ERBB4: variants seen among roughly 807,000 people sequenced by gnomAD.
ERBB4 encodes receptor tyrosine-protein kinase erbB-4.
A neutral mutation model predicts 158.0 loss-of-function variants in ERBB4; 42 were observed. The observed-to-expected ratio is 0.27, with a 90% CI of 0.21 to 0.34. The LOEUF (loss-of-function observed/expected upper bound fraction) is 0.34. ERBB4 is among the 10% of genes least tolerant of loss of function. The pLI is 1.00. For synonymous variants in ERBB4, 583 were observed against 558.7 expected (o/e 1.04, Z -0.61); for missense variants, 1,333 against 1,624.1 (o/e 0.82, Z 3.08).
intron 1 of ERBB4, among the ~76,000 whole-genome samples, chr2:212,458,542 T>C (rs1403726680): frequency 6.6e-6 from 1 of 152,046 alleles, no homozygotes; most frequent in Non-Finnish European, 1.5e-5. Flanking sequence ...GTGAAAGACC[T>C]GTAGGTTGTG....
At chr2:211,682,659 T>C (rs553382774) in intron 12 of ERBB4, among the ~76,000 whole-genome samples, 3 of 152,336 alleles carry the variant, frequency 2.0e-5, no homozygotes, top group African/African-American at 7.2e-5. Context: ...TGCATATTTA[T>C]AAGAAATAAG....
intron 2 of ERBB4, among the ~76,000 whole-genome samples, chr2:211,951,672 C>T (rs1430119441): frequency 6.6e-6 from 1 of 152,066 alleles, no homozygotes; most frequent in Non-Finnish European, 1.5e-5. Flanking sequence ...AATAGCTACT[C>T]CCTTGTAAAG....
At chr2:211,463,411 G>A (rs1281500413) in intron 20 of ERBB4, among the ~76,000 whole-genome samples, 1 of 152,160 alleles carries the variant, frequency 6.6e-6, no homozygotes, top group Non-Finnish European at 1.5e-5. Flanking sequence ...GTTCCTATGG[G>A]GAATTTTGAA....
intron 2 of ERBB4, among the ~76,000 whole-genome samples, chr2:211,957,909 GA>G: frequency 6.6e-6 from 1 of 152,144 alleles, no homozygotes; most frequent in Middle Eastern, 3.4e-3. Flanking sequence ...AAAATTTAAC[GA>G]AAGAAAATGG....
intron 1 of ERBB4, among the ~76,000 whole-genome samples, chr2:212,241,881 T>A (rs889838810): frequency 1.3e-5 from 2 of 152,064 alleles, no homozygotes; most frequent in East Asian, 3.8e-4. Context: ...AACATATTAA[T>A]AACAAGATGA....
At chr2:211,859,886 C>G (rs1342807914) in intron 3 of ERBB4, among the ~76,000 whole-genome samples, 3 of 152,128 alleles carry the variant, frequency 2.0e-5, no homozygotes, top group African/African-American at 7.2e-5. Context: ...AAATGTTTTC[C>G]ATTAACTTCT....
At chr2:212,132,204 G>A (rs1384687882) in intron 1 of ERBB4, among the ~76,000 whole-genome samples, 2 of 152,054 alleles carry the variant, frequency 1.3e-5, no homozygotes, top group African/African-American at 4.8e-5. Context: ...TTGGTTATAG[G>A]CATAATAGTT....
rs1553622916 is a variant in ERBB4 at position 212,349,319 on chromosome 2, A to ACACC, written c.82+189126_82+189129dup. On this transcript the variant is annotated intron_variant, in intron 1 of 27. Coordinates refer to ENST00000342788, the MANE Select transcript of ERBB4 (RefSeq NM_005235.3). Reference sequence around the variant, plus strand: ...CACACACACACACACACACACACACACACCCTTCAAGTGTTTGACAGCCCT... The same window carrying ACACC: ...CACACACACACACACACACACACACACACCCACCCTTCAAGTGTTTGACAGCCCT... Among the ~76,000 whole-genome samples the ACACC allele has an allele frequency of 2.5e-3, 379 of 151,078 alleles. 2 individuals are homozygous for ACACC. Among genetic ancestry groups the ACACC allele is most frequent in the African/African-American group, 8.6e-3 (351 of 40,890 alleles).
intron 1 of ERBB4, among the ~76,000 whole-genome samples, chr2:212,254,467 G>A (rs896077691): frequency 1.3e-5 from 2 of 152,132 alleles, no homozygotes; most frequent in Non-Finnish European, 2.9e-5. Context: ...ATGCTGTGCT[G>A]TTTTCCCCAC....
At chr2:212,511,022 G>A (rs1691488773) in intron 1 of ERBB4, among the ~76,000 whole-genome samples, 2 of 151,988 alleles carry the variant, frequency 1.3e-5, no homozygotes, top group Non-Finnish European at 1.5e-5. Context: ...ATATGTAAAT[G>A]ACTAGGCCAA....
In ERBB4 at chr2:212,294,290, T is replaced by C. The variant is rs2086328471; in HGVS notation, c.83-169387A>G. On this transcript the variant is annotated intron_variant, in intron 1 of 27. Transcript: ENST00000342788. ...GATTGCCTATTTATTTTATTTGAAATAGTAAATATTAGAGATAAAACAAAA... is the reference window on the plus strand; with the variant it reads ...GATTGCCTATTTATTTTATTTGAAACAGTAAATATTAGAGATAAAACAAAA... Among the ~76,000 whole-genome samples, 3 of 152,036 alleles carry C rather than the reference T, an allele frequency of 2.0e-5. No homozygotes were observed. The South Asian group carries it at 6.2e-4, about 31-fold the overall frequency.
intron 2 of ERBB4, among the ~76,000 whole-genome samples, chr2:212,000,506 C>G (rs2076078849): frequency 6.6e-6 from 1 of 151,764 alleles, no homozygotes; most frequent in Non-Finnish European, 1.5e-5. Flanking sequence ...GTTCTATATC[C>G]CCTCATTTAG....
chr2:212,395,531 C>T lies in ERBB4; in HGVS notation c.82+142918G>A, dbSNP rs932511584. 5.0e-4 allele frequency among the ~76,000 whole-genome samples: 75 copies of T among 151,066 alleles called. 1 individual carries two copies. The highest frequency in any genetic ancestry group is 2.9e-5 in the Non-Finnish European group (2 of 67,930). ...AATTAAGCCTATGCTAAGGAAAGAG[C>T]ATACCTTTATGCTTACCGCTATGTG... On this transcript the variant is annotated intron_variant, in intron 1 of 27. Coordinates refer to ENST00000342788, the MANE Select transcript of ERBB4 (RefSeq NM_005235.3).
chr2:211,851,511 G>A (rs978404229), intron 3 of ERBB4, among the ~76,000 whole-genome samples: 1 of 151,824 alleles, frequency 6.6e-6, no homozygotes. Flanking sequence ...AACTAAAAGC[G>A]CTGGCTTCTT....
At chr2:212,115,806 G>A (rs575831736) in intron 2 of ERBB4, among the ~76,000 whole-genome samples, 1 of 152,022 alleles carries the variant, frequency 6.6e-6, no homozygotes, top group South Asian at 2.1e-4. Context: ...ACTGTGCCTG[G>A]ATGTATTTTT....
chr2:212,057,093 G>A (rs1009834806), intron 2 of ERBB4, among the ~76,000 whole-genome samples: 1 of 152,016 alleles, frequency 6.6e-6, no homozygotes, highest in African/African-American at 2.4e-5. Context: ...GATCTACCAA[G>A]CAAATGGAAA....
chr2:212,511,446 T>C (rs965484293), intron 1 of ERBB4, among the ~76,000 whole-genome samples: 1 of 152,214 alleles, frequency 6.6e-6, no homozygotes, highest in Non-Finnish European at 1.5e-5. Flanking sequence ...TTGAAACTAT[T>C]ACAAAATTTA....
At chr2:211,973,059 A>G (rs973402472) in intron 2 of ERBB4, among the ~76,000 whole-genome samples, 15 of 152,204 alleles carry the variant, frequency 9.9e-5, no homozygotes, top group African/African-American at 3.4e-4. Context: ...TAAGGAACAT[A>G]AGCAAATTGA....
At chr2:211,539,315 T>G (rs146227485) in intron 20 of ERBB4, among the ~76,000 whole-genome samples, 1 of 151,948 alleles carries the variant, frequency 6.6e-6, no homozygotes. Context: ...TGCTGTATGA[T>G]TTTTTGTGCT....
Sources: gnomAD v4.1 joint callset for allele counts (sites outside exome capture counted in the v4.1 genomes callset) on GRCh38, gnomAD v4.1.1 for gene constraint, MANE v1.5 for transcripts, NCBI Gene and HGNC (gene_info 2026-07-23, HGNC 2026-07-21) for gene names.